Variants in ZNF775 observed in about 807,000 individuals in gnomAD.
The protein encoded by ZNF775 is zinc finger protein 775.
ZNF775 carries 1 observed loss-of-function variant against 2.4 expected under a neutral mutation model. That is an observed-to-expected ratio of 0.41 (90% CI 0.15 to 1.94). ZNF775 has a LOEUF of 1.94. Ranked by LOEUF, ZNF775 falls within the 30% of genes most tolerant of loss-of-function variation. The pLI, the probability that ZNF775 is intolerant of heterozygous loss-of-function variation, is 0.30. For missense variants in ZNF775, 823 were observed against 826.6 expected, an observed-to-expected ratio of 1.00 and a Z score of 0.05; for synonymous variants, 381 against 373.3, an observed-to-expected ratio of 1.02 and a Z score of -0.24.
rs1304915846 is a variant in ZNF775 at position 150,382,194 on chromosome 7, C to T, written c.-50+2802C>T. Among the ~76,000 whole-genome samples, 1 of 152,110 alleles carries T rather than the reference C, an allele frequency of 6.6e-6. No individual in the cohort carries two copies. The highest frequency in any genetic ancestry group is 2.4e-5 in the African/African-American group (1 of 41,418). On this transcript the variant is annotated intron_variant, in intron 1 of 2. Coordinates refer to ENST00000329630, the MANE Select transcript of ZNF775 (RefSeq NM_173680.4). This position sits in a 1 kb window ranked among gnomAD's most constrained non-coding sequence, Gnocchi z 4.6. ...GGAGGCTCCTGTGTGGCGCTGGGGG[C>T]CTCTGAGATTCCCAACTGGCTGGAA...
Position 150,384,140 on chromosome 7 carries a change from G to A in ZNF775, c.-49-4282G>A, listed in dbSNP as rs564128912. On this transcript the variant is annotated intron_variant, in intron 1 of 2. Coordinates refer to ENST00000329630, the MANE Select transcript of ZNF775 (RefSeq NM_173680.4). This position sits in a 1 kb window ranked among gnomAD's most constrained non-coding sequence, Gnocchi z 4.1. ...ACTGAACTGCAGCCTGACCCGGTGCGCGGAGGGCCGGGCCAGGGCCAGGCG... is the reference window on the plus strand; with the variant it reads ...ACTGAACTGCAGCCTGACCCGGTGCACGGAGGGCCGGGCCAGGGCCAGGCG... Among the ~76,000 whole-genome samples the A allele has an allele frequency of 1.6e-4, 25 of 152,334 alleles. No individual in the cohort carries two copies. The South Asian group carries it at 3.5e-3, about 21-fold the overall frequency.
chr7:150,390,286 C>T (rs1374550771), intron 2 of ZNF775, among the ~76,000 whole-genome samples: 4 of 152,140 alleles, frequency 2.6e-5, no homozygotes, highest in Non-Finnish European at 4.4e-5. Flanking sequence ...TCCAGGGATG[C>T]GTGCTGGACT....
chr7:150,389,859 T>G (rs1176752259), intron 2 of ZNF775, among the ~76,000 whole-genome samples: 1 of 138,756 alleles, frequency 7.2e-6, no homozygotes, highest in African/African-American at 2.8e-5. Context: ...TAATTTTTAT[T>G]TGTGTGTGTG....
At chr7:150,383,984 G>C (rs1800407849) in intron 1 of ZNF775, 1 of 152,568 alleles carries the variant, frequency 6.6e-6, no homozygotes, top group Non-Finnish European at 1.5e-5. Flanking sequence ...CACAACCAAA[G>C]CTCCTTTGTT....
In ZNF775 at chr7:150,388,461, G is replaced by T; in HGVS notation, c.-10G>T. On this transcript the variant is annotated 5_prime_UTR_variant, in exon 2 of 3. Coordinates refer to ENST00000329630, the MANE Select transcript of ZNF775 (RefSeq NM_173680.4). ...ACACAGCCGGCGCTGATGCTGGGAG[G>T]CCTCCAGGGATGGAGAGTGGCCTGG... is the stretch of plus-strand genomic sequence containing the variant. 1 of 1,551,776 alleles carries T rather than the reference G, an allele frequency of 6.4e-7. No individual in the cohort carries two copies. Among genetic ancestry groups the T allele is most frequent in the South Asian group, 1.2e-5 (1 of 84,066 alleles).
intron 2 of ZNF775, among the ~76,000 whole-genome samples, chr7:150,392,722 A>G (rs1251163506): frequency 1.3e-5 from 2 of 152,100 alleles, no homozygotes; most frequent in African/African-American, 4.8e-5. Flanking sequence ...TTTTATACAG[A>G]CAGGTGTTGC....
chr7:150,385,674 T>A (rs1244735563), intron 1 of ZNF775, among the ~76,000 whole-genome samples: 1 of 152,214 alleles, frequency 6.6e-6, no homozygotes, highest in Non-Finnish European at 1.5e-5. Flanking sequence ...GACTGGACAT[T>A]ACCATTTGTC....
At chr7:150,389,783 G>A (rs1167672565) in intron 2 of ZNF775, among the ~76,000 whole-genome samples, 2 of 151,932 alleles carry the variant, frequency 1.3e-5, no homozygotes, top group Non-Finnish European at 2.9e-5. Flanking sequence ...CCAGACTGAG[G>A]GAACCACTCA....
At chr7:150,390,756 G>A (rs1308304683) in intron 2 of ZNF775, among the ~76,000 whole-genome samples, 1 of 152,160 alleles carries the variant, frequency 6.6e-6, no homozygotes, top group Non-Finnish European at 1.5e-5. Flanking sequence ...GAATATTCCT[G>A]GACATTCCTC....
intron 1 of ZNF775, among the ~76,000 whole-genome samples, chr7:150,386,124 C>T (rs1005499442): frequency 4.6e-5 from 7 of 152,092 alleles, no homozygotes; most frequent in South Asian, 2.1e-4. Flanking sequence ...TTAGTAGAGA[C>T]GGGGTTTCCC....
Position 150,397,100 on chromosome 7 carries a change from C to T in ZNF775, c.619C>T (p.Arg207Cys), listed in dbSNP as rs774102650. The stretch of plus-strand genomic sequence containing the variant: ...CTGCTTCCGTCACCAGGTGGGCCTC[C>T]GCATCCACCAGCGCGCGCACGCCCG... ...ERCFRHQVGL[R>C]IHQRAHARDR... The change falls in exon 3 of 3, where the codon CGC becomes TGC. Residue 207 changes from arginine to cysteine, a missense_variant. Transcript: ENST00000329630. The T allele has an allele frequency of 1.3e-6, 2 of 1,561,978 alleles. No homozygotes were observed. The highest frequency in any genetic ancestry group is 1.4e-5 in the African/African-American group (1 of 73,406).
At chr7:150,381,351 A>T (rs1405164011) in intron 1 of ZNF775, among the ~76,000 whole-genome samples, 1 of 152,132 alleles carries the variant, frequency 6.6e-6, no homozygotes, top group Non-Finnish European at 1.5e-5. Flanking sequence ...ACCTGCTTGC[A>T]TGCAGATCAG....
Position 150,398,139 on chromosome 7 carries a change from G to C in ZNF775, c.*44G>C. 2.0e-6 allele frequency: 3 copies of C among 1,531,452 alleles called. No individual in the cohort carries two copies. The highest frequency in any genetic ancestry group is 1.4e-5 in the African/African-American group (1 of 72,778). 94.9% of individuals were successfully genotyped at this position (1,531,452 alleles called of 1,614,324 possible). A position where few individuals can be genotyped will look rare whatever the true frequency, so the allele number is the denominator to read the frequency against. ...ACCCGTGGTGGTGCGGGGGATGTTTGCGGGGTGTGTGTGGGGAGTGGGGGT... is the reference window on the plus strand; with the variant it reads ...ACCCGTGGTGGTGCGGGGGATGTTTCCGGGGTGTGTGTGGGGAGTGGGGGT... On this transcript the variant is annotated 3_prime_UTR_variant, in exon 3 of 3. Transcript: ENST00000329630.
chr7:150,391,421 T>TC (rs1800556605), intron 2 of ZNF775, among the ~76,000 whole-genome samples: 7 of 152,042 alleles, frequency 4.6e-5, no homozygotes, highest in Admixed American at 2.6e-4. Flanking sequence ...GGCAGGAGAA[T>TC]CACTTGAACT....
intron 1 of ZNF775, chr7:150,379,839 A>C (rs1039831716): frequency 6.6e-6 from 1 of 152,298 alleles, no homozygotes. Context: ...AGTGACAGAC[A>C]CATAGTAGGT....
In ZNF775 at chr7:150,389,504, A is replaced by T. The variant is rs1353465566; in HGVS notation, c.31+1003A>T. Among the ~76,000 whole-genome samples the T allele has an allele frequency of 6.6e-5, 10 of 152,294 alleles. No homozygotes were observed. In the East Asian group the frequency reaches 1.9e-3, roughly 29 times the overall value. ...CAAGGAGCCAGGTGGTGGCAGGAGC[A>T]CCCTAGCTGCATGTGTGTTTTGGAA... On this transcript the variant is annotated intron_variant, in intron 2 of 2. Coordinates refer to ENST00000329630, the MANE Select transcript of ZNF775 (RefSeq NM_173680.4).
At chr7:150,386,847 T>C (rs1366861903) in intron 1 of ZNF775, among the ~76,000 whole-genome samples, 1 of 152,210 alleles carries the variant, frequency 6.6e-6, no homozygotes, top group East Asian at 1.9e-4. Context: ...ACGGGCCCTC[T>C]GTGTGCCCGG....
chr7:150,393,104 A>T (rs1156413957), intron 2 of ZNF775, among the ~76,000 whole-genome samples: 4 of 152,026 alleles, frequency 2.6e-5, no homozygotes, highest in African/African-American at 9.7e-5. Context: ...AGAATATTTC[A>T]CTGCCCCCCA....
At position 150,398,407 on chromosome 7, in the gene ZNF775, T is replaced by C; in HGVS notation, c.*312T>C. The C allele has an allele frequency of 2.3e-6, 1 of 439,190 alleles. No individual in the cohort carries two copies. Among genetic ancestry groups the C allele is most frequent in the Non-Finnish European group, 4.0e-6 (1 of 247,744 alleles). 27.2% of individuals were successfully genotyped at this position (439,190 alleles called of 1,614,324 possible). On this transcript the variant is annotated 3_prime_UTR_variant, in exon 3 of 3. Coordinates refer to ENST00000329630, the MANE Select transcript of ZNF775 (RefSeq NM_173680.4). ...GGGTCTGTTGGGGACGCTGGGAGAG[T>C]CTCTGGTGTGAAGTGGCTTAGGTCT...
Sources: gnomAD v4.1 joint callset for allele counts (sites outside exome capture counted in the v4.1 genomes callset) on GRCh38, gnomAD v4.1.1 for gene constraint, Gnocchi (gnomAD v3.1) non-coding constraint, MANE v1.5 for transcripts, NCBI Gene and HGNC (gene_info 2026-07-23, HGNC 2026-07-21) for gene names.